The following FPR1 variants were observed in gnomAD, a reference collection of about 807,000 sequenced individuals.
FPR1 encodes the protein N-formyl peptide receptor 1.
For synonymous variants in FPR1, 193 were observed against 176.7 expected, an observed-to-expected ratio of 1.09 and a Z score of -0.73; for missense variants, 407 against 453.0, an observed-to-expected ratio of 0.90 and a Z score of 0.92.
In FPR1 at chr19:51,746,627, C is replaced by T. The variant is rs149931707; in HGVS notation, c.368G>A (p.Arg123His). 368 of 1,614,054 alleles carry T rather than the reference C, an allele frequency of 2.3e-4. 4 individuals carry two copies. The East Asian group carries it at 3.2e-3, about 14-fold the overall frequency. ...GACTGGATGCAGGACGCAAACACAG[C>T]GGTCCAGAGCAATGAGGGCGATCAG... ...VFLIALIALD[R>H]CVCVLHPVWT... Residue 123 changes from arginine to histidine, a missense_variant, in exon 2 of 2, where the codon CGC (arginine) becomes CAC (histidine). Transcript: ENST00000304748. This position sits in a 1 kb window ranked among gnomAD's most constrained non-coding sequence, Gnocchi z 4.3.
intron 1 of FPR1, among the ~76,000 whole-genome samples, chr19:51,748,682 A>C (rs1233663614): frequency 6.6e-6 from 1 of 151,652 alleles, no homozygotes; most frequent in Non-Finnish European, 1.5e-5. Flanking sequence ...CTGGTCTCAA[A>C]CTCCTTGACC....
rs1388559632 is a variant in FPR1 at position 51,747,464 on chromosome 19, C to T, written c.-11-459G>A. On this transcript the variant is annotated intron_variant, in intron 1 of 1. Transcript: ENST00000304748. ...AACTGCTGACCCCAGGTGATCCACCCACCTCAGCCTCCCAAAGTGCTGGGA... is the reference window on the plus strand; with the variant it reads ...AACTGCTGACCCCAGGTGATCCACCTACCTCAGCCTCCCAAAGTGCTGGGA... Among the ~76,000 whole-genome samples, 4 of 152,268 alleles carry T rather than the reference C, an allele frequency of 2.6e-5. 1 individual carries two copies. Among genetic ancestry groups the T allele is most frequent in the Admixed American group, 6.5e-5 (1 of 15,298 alleles).
intron 1 of FPR1, among the ~76,000 whole-genome samples, chr19:51,747,632 A>T (rs1386951370): frequency 4.1e-5 from 6 of 145,128 alleles, no homozygotes; most frequent in African/African-American, 1.6e-4. Context: ...ATATGGGGCC[A>T]AAGATGTATA....
chr19:51,745,554 T>C (rs1180176524), downstream of FPR1: 1 of 192,522 alleles, frequency 5.2e-6, no homozygotes, highest in Non-Finnish European at 1.1e-5. Flanking sequence ...ATATAATTTA[T>C]TTTTCACAGC....
rs759165021 is a variant in FPR1 at position 51,746,856 on chromosome 19, C to A, written c.139G>T (p.Val47Leu). Residue 47 changes from valine (V) to leucine (L), a missense_variant, in exon 2 of 2, where the codon GTG (valine) becomes TTG (leucine). Physicochemically the swap from Val to Leu is conservative, Grantham distance 32. Coordinates refer to ENST00000304748, the MANE Select transcript of FPR1 (RefSeq NM_002029.4). The surrounding 1 kb of genome is among the most constrained non-coding windows in gnomAD (Gnocchi z 4.3). ...FVLGVLGNGL[V>L]IWVAGFRMTH... ...ATCCGGAATCCAGCCACCCAGATCA[C>A]AAGCCCGTTGCCCAGGACCCCGAGG... is the stretch of plus-strand genomic sequence containing the variant. 6.2e-6 allele frequency: 10 copies of A among 1,614,020 alleles called. No homozygotes were observed. The Admixed American group carries it at 1.3e-4, about 22-fold the overall frequency.
At chr19:51,750,023 G>A (rs1220726659) in intron 1 of FPR1, among the ~76,000 whole-genome samples, 1 of 152,134 alleles carries the variant, frequency 6.6e-6, no homozygotes. Flanking sequence ...GTTACTATGA[G>A]GGTCACTGTC....
At chr19:51,747,390 G>T (rs369699734) in intron 1 of FPR1, among the ~76,000 whole-genome samples, 1 of 151,998 alleles carries the variant, frequency 6.6e-6, no homozygotes, top group African/African-American at 2.4e-5. Flanking sequence ...GCTAATTTTC[G>T]TATATTTAGT....
chr19:51,746,809 G>C lies in FPR1; in HGVS notation c.186C>G (p.Ile62Met), dbSNP rs747128724. ...CAGCCACGGCCAGGTTCAGGTAACT[G>C]ATGGTGGTGACTGTGTGTGTCATCC... ...GFRMTHTVTT[I>M]SYLNLAVADF... The change falls in exon 2 of 2, where the codon ATC becomes ATG. Residue 62 changes from isoleucine (I) to methionine (M), a missense_variant. By Grantham distance (10) the Ile-to-Met change is conservative. Transcript: ENST00000304748. The surrounding 1 kb of genome is among the most constrained non-coding windows in gnomAD (Gnocchi z 4.3). 1 of 1,614,088 alleles carries C rather than the reference G, an allele frequency of 6.2e-7. No individual in the cohort carries two copies. Among genetic ancestry groups the C allele is most frequent in the African/African-American group, 1.3e-5 (1 of 74,928 alleles).
intron 1 of FPR1, among the ~76,000 whole-genome samples, chr19:51,749,333 A>T (rs564794146): frequency 3.9e-4 from 60 of 152,298 alleles, no homozygotes; most frequent in African/African-American, 1.4e-3. Context: ...GTACTTGGTT[A>T]GTTTTCCAAC....
In FPR1 at chr19:51,746,066, TC is replaced by T. The variant is rs1568636799; in HGVS notation, c.928del (p.Glu310ArgfsTer3). 1 of 1,614,118 alleles carries T rather than the reference TC, an allele frequency of 6.2e-7. No individual in the cohort carries two copies. Reference sequence around the variant, plus strand: ...GGCGGGAAGGGCGTGGATCAGCCTCTCCCGGAAGTCCTGGCCCATGAAGACA... The same window carrying T: ...GGCGGGAAGGGCGTGGATCAGCCTCTCCGGAAGTCCTGGCCCATGAAGACA... ...LYVFMGQDFR[E>X]RLIHALPASL... On this transcript the variant is annotated frameshift_variant, in exon 2 of 2. Coordinates refer to ENST00000304748, the MANE Select transcript of FPR1 (RefSeq NM_002029.4). LOFTEE classifies it low-confidence loss of function (END_TRUNC). The surrounding 1 kb of genome is among the most constrained non-coding windows in gnomAD (Gnocchi z 4.3).
At chr19:51,750,736 G>A (rs1020614831) in intron 1 of FPR1, 13 of 152,202 alleles carry the variant, frequency 8.5e-5, no homozygotes, top group African/African-American at 3.1e-4. Context: ...ACAGGCCTTG[G>A]TGGCTGCCAT....
downstream of FPR1, chr19:51,745,631 T>G: frequency 3.4e-6 from 1 of 297,328 alleles, no homozygotes; most frequent in South Asian, 4.3e-5. Context: ...TATCATTCAC[T>G]ACTCATAATT....
rs1254338075 is a variant in FPR1, at chr19:51,745,836, A to C, written c.*106T>G. ...ACAAAGGCTTTTTTTTTTTTTTCTG[A>C]TGAGTGGGTAATCCTAAAATAAGCA... On this transcript the variant is annotated 3_prime_UTR_variant, in exon 2 of 2. Transcript: ENST00000304748. 3 of 764,602 alleles carry C rather than the reference A, an allele frequency of 3.9e-6. No individual in the cohort carries two copies. The highest frequency in any genetic ancestry group is 6.3e-6 in the Non-Finnish European group (3 of 472,800). The allele number at this position is 764,602 out of a possible 1,614,324, so 47.4% of individuals were successfully genotyped here.
At chr19:51,748,385 G>A (rs1032929331) in intron 1 of FPR1, among the ~76,000 whole-genome samples, 1 of 152,170 alleles carries the variant, frequency 6.6e-6, no homozygotes, top group African/African-American at 2.4e-5. Context: ...AAAAAGTTCT[G>A]GAACTAGATA....
At chr19:51,747,215 T>C (rs930634616) in intron 1 of FPR1, among the ~76,000 whole-genome samples, 3 of 138,484 alleles carry the variant, frequency 2.2e-5, no homozygotes, top group African/African-American at 8.4e-5. Flanking sequence ...TTGGGCAAGA[T>C]TACATCTTTT....
At position 51,746,449 on chromosome 19, in the gene FPR1, G is replaced by C; in HGVS notation, c.546C>G (p.Pro182=). The change falls in exon 2 of 2, where the codon CCC becomes CCG. Residue 182 remains proline, a synonymous_variant. Coordinates refer to ENST00000304748, the MANE Select transcript of FPR1 (RefSeq NM_002029.4). The surrounding 1 kb of genome is among the most constrained non-coding windows in gnomAD (Gnocchi z 4.3). ...TCCTCTCTTTAGGGTCGTTGGTCCA[G>C]GGCGAAAAGTTAAAAGTGCAGGCTA... ...GTVACTFNFS[P]WTNDPKERIN... 1.9e-6 allele frequency: 3 copies of C among 1,613,860 alleles called. No homozygotes were observed. The highest frequency in any genetic ancestry group is 2.5e-6 in the Non-Finnish European group (3 of 1,179,982).
At chr19:51,749,523 G>A (rs2083768456) in intron 1 of FPR1, among the ~76,000 whole-genome samples, 1 of 152,172 alleles carries the variant, frequency 6.6e-6, no homozygotes, top group African/African-American at 2.4e-5. Context: ...CAGCACTCTT[G>A]GGGATGTAGA....
chr19:51,745,925 G>A lies in FPR1; in HGVS notation c.*17C>T, dbSNP rs752164694. 2 of 1,590,928 alleles carry A rather than the reference G, an allele frequency of 1.3e-6. No individual in the cohort carries two copies. Reference sequence around the variant, plus strand: ...AAGCTGGAGCTGGGAGCTCGAAAGTGTCCCCCAGCTCCCTCCTCACTTTGC... The same window carrying A: ...AAGCTGGAGCTGGGAGCTCGAAAGTATCCCCCAGCTCCCTCCTCACTTTGC... On this transcript the variant is annotated 3_prime_UTR_variant, in exon 2 of 2. Transcript: ENST00000304748.
chr19:51,745,800 A>G lies in FPR1; in HGVS notation c.*142T>C. 1 of 697,636 alleles carries G rather than the reference A, an allele frequency of 1.4e-6. No individual in the cohort carries two copies. Among genetic ancestry groups the G allele is most frequent in the Non-Finnish European group, 2.4e-6 (1 of 410,606 alleles). The allele number at this position is 697,636 out of a possible 1,614,324, so 43.2% of individuals were successfully genotyped here. A position where few individuals can be genotyped will look rare whatever the true frequency, so the allele number is the denominator to read the frequency against. On this transcript the variant is annotated 3_prime_UTR_variant, in exon 2 of 2. Coordinates refer to ENST00000304748, the MANE Select transcript of FPR1 (RefSeq NM_002029.4). ...AACTCATATCTGTTTATTCTCCCCA[A>G]ATCAGGGGACACAAAGGCTTTTTTT... is the stretch of plus-strand genomic sequence containing the variant.
Sources: allele counts gnomAD v4.1 joint callset (sites outside exome capture counted in the v4.1 genomes callset), GRCh38; gene constraint gnomAD v4.1.1; non-coding constraint Gnocchi (gnomAD v3.1); transcripts MANE v1.5; gene names NCBI Gene and HGNC (gene_info 2026-07-23, HGNC 2026-07-21).